Variants in INTS5 observed in about 807,000 individuals in gnomAD.
INTS5 encodes the protein KIAA1698.
In INTS5, 29 loss-of-function variants were observed where a neutral mutation model predicts 60.0. That is an observed-to-expected ratio of 0.48 (90% CI 0.36 to 0.66). The LOEUF is 0.66. INTS5 is among the 30% of genes least tolerant of loss of function. INTS5 has a pLI of 0.00. For synonymous variants in INTS5, 588 were observed against 558.8 expected (o/e 1.05, Z -0.74); for missense variants, 1,129 against 1,307.9 (o/e 0.86, Z 2.11).
rs773672481 is a variant in INTS5 at position 62,649,084 on chromosome 11, G to C, written c.996C>G (p.Pro332=). 4 of 1,610,164 alleles carry C rather than the reference G, an allele frequency of 2.5e-6. No individual in the cohort carries two copies. In the Admixed American group the frequency reaches 5.0e-5, roughly 20 times the overall value. Residue 332 remains proline, a synonymous_variant, in exon 2 of 2, where the codon CCC becomes CCG. Coordinates refer to ENST00000330574, the MANE Select transcript of INTS5 (RefSeq NM_030628.2). This position sits in a 1 kb window ranked among gnomAD's most constrained non-coding sequence, Gnocchi z 6.0. Reference sequence around the variant, plus strand: ...GGAACGGAACCGTGGCCTGAAGGGAGGGGTCCCCACTGCGGCCTCCAGATC... The same window carrying C: ...GGAACGGAACCGTGGCCTGAAGGGACGGGTCCCCACTGCGGCCTCCAGATC... ...AGGSGGRSGD[P]SLQATVPFLL...
intron 1 of INTS5, among the ~76,000 whole-genome samples, chr11:62,652,302 G>C (rs977059288): frequency 1.3e-5 from 2 of 151,880 alleles, no homozygotes; most frequent in Admixed American, 1.3e-4. Flanking sequence ...CTGGGAGTCA[G>C]GGCGACCATC....
At chr11:62,652,093 G>T (rs1345363949) in intron 1 of INTS5, among the ~76,000 whole-genome samples, 1 of 151,298 alleles carries the variant, frequency 6.6e-6, no homozygotes, top group African/African-American at 2.4e-5. Context: ...GCCAAGGAGG[G>T]TGGATCACTT....
chr11:62,649,662 A>G lies in INTS5; in HGVS notation c.418T>C (p.Trp140Arg). Residue 140 changes from tryptophan (W) to arginine (R), a missense_variant, in exon 2 of 2, where the codon TGG (tryptophan) becomes CGG (arginine). Trp to Arg is a moderately radical substitution (Grantham distance 101, BLOSUM62 -3). Around this residue, in one of 3 missense-constraint regions of INTS5, gnomAD observed 1,070 missense variants for 1,246.1 expected, o/e 0.86. Coordinates refer to ENST00000330574, the MANE Select transcript of INTS5 (RefSeq NM_030628.2). This position sits in a 1 kb window ranked among gnomAD's most constrained non-coding sequence, Gnocchi z 6.0. ...SEFIRANPKA[W>R]APVISAWSID... ...GACCATGCACTAATCACAGGTGCCCAGGCCTTTGGGTTGGCCCGGATAAAC... is the reference window on the plus strand; with the variant it reads ...GACCATGCACTAATCACAGGTGCCCGGGCCTTTGGGTTGGCCCGGATAAAC... 1 of 1,614,228 alleles carries G rather than the reference A, an allele frequency of 6.2e-7. No homozygotes were observed. Among genetic ancestry groups the G allele is most frequent in the Non-Finnish European group, 8.5e-7 (1 of 1,180,034 alleles).
At position 62,648,165 on chromosome 11, in the gene INTS5, A is replaced by G; in HGVS notation, c.1915T>C (p.Leu639=). The G allele has an allele frequency of 1.2e-6, 2 of 1,613,266 alleles. No homozygotes were observed. Among genetic ancestry groups the G allele is most frequent in the Non-Finnish European group, 1.7e-6 (2 of 1,179,500 alleles). Residue 639 remains leucine (L), a synonymous_variant, in exon 2 of 2, where the codon TTA becomes CTA. Transcript: ENST00000330574. The surrounding 1 kb of genome is among the most constrained non-coding windows in gnomAD (Gnocchi z 4.4). ...AGTCCCAGGAGCTGGGAGGGGGATA[A>G]GGCTTCAGAAGGAAAGGGACAAATG... ...LAICPFPSEA[L]SPSQLLGLVR... is the part of the protein sequence containing the mutation.
Position 62,649,394 on chromosome 11 carries a change from T to C in INTS5, c.686A>G (p.His229Arg). The C allele has an allele frequency of 6.2e-7, 1 of 1,614,134 alleles. No homozygotes were observed. The change falls in exon 2 of 2, where the codon CAT (histidine) becomes CGT (arginine). Residue 229 changes from histidine (H) to arginine (R), a missense_variant. His to Arg is a conservative substitution (Grantham distance 29). Coordinates refer to ENST00000330574, the MANE Select transcript of INTS5 (RefSeq NM_030628.2). This position sits in a 1 kb window ranked among gnomAD's most constrained non-coding sequence, Gnocchi z 6.0. ...HSPHFDWVVA[H>R]IGSSFPGTII... is the part of the protein sequence containing the mutation. ...GGTGCCAGGAAAAGAGGAGCCAATATGTGCCACAACCCAGTCAAAGTGTGG... is the reference window on the plus strand; with the variant it reads ...GGTGCCAGGAAAAGAGGAGCCAATACGTGCCACAACCCAGTCAAAGTGTGG...
At position 62,647,593 on chromosome 11, in the gene INTS5, C is replaced by A; in HGVS notation, c.2487G>T (p.Leu829=). 1.2e-6 allele frequency: 2 copies of A among 1,613,982 alleles called. No homozygotes were observed. Among genetic ancestry groups the A allele is most frequent in the Non-Finnish European group, 8.5e-7 (1 of 1,180,038 alleles). ...SVCPDAAGAE[L]AWPPEEHARA... ...GGGCGTGTTCCTCGGGGGGCCAGGC[C>A]AGCTCTGCACCAGCTGCATCGGGAC... The change falls in exon 2 of 2, where the codon CTG becomes CTT. Residue 829 remains leucine, a synonymous_variant. Coordinates refer to ENST00000330574, the MANE Select transcript of INTS5 (RefSeq NM_030628.2).
chr11:62,651,702 A>G (rs1435005966), intron 1 of INTS5, among the ~76,000 whole-genome samples: 1 of 151,584 alleles, frequency 6.6e-6, no homozygotes, highest in Non-Finnish European at 1.5e-5. Flanking sequence ...TACAAAAATA[A>G]TAATAATAAT....
In INTS5 at chr11:62,646,878, GA is replaced by G. The variant is rs201691472; in HGVS notation, c.*141del. The G allele has an allele frequency of 7.6e-4, 548 of 717,226 alleles. No individual in the cohort carries two copies. Among genetic ancestry groups the G allele is most frequent in the Middle Eastern group, 1.7e-3 (4 of 2,410 alleles). 44.4% of individuals were successfully genotyped at this position (717,226 alleles called of 1,614,324 possible). A position where few individuals can be genotyped will look rare whatever the true frequency, so the allele number is the denominator to read the frequency against. On this transcript the variant is annotated 3_prime_UTR_variant, in exon 2 of 2. Transcript: ENST00000330574. ...TTCTCAAGTTGGCAAATTTTATTTA[GA>G]AAAAAAAAAGTGGGAGAGAAAAAAG...
chr11:62,647,040 G>A lies in INTS5; in HGVS notation c.3040C>T (p.Leu1014Phe). 1 of 1,612,734 alleles carries A rather than the reference G, an allele frequency of 6.2e-7. No individual in the cohort carries two copies. Among genetic ancestry groups the A allele is most frequent in the Non-Finnish European group, 8.5e-7 (1 of 1,178,904 alleles). ...GRFQAPSPST[L>F]LRQGT ...AAAGGCTACGTCCCCTGTCGAAGGA[G>A]AGTGGACGGTGAAGGTGCCTGGAAA... Residue 1014 changes from leucine (L) to phenylalanine (F), a missense_variant, in exon 2 of 2, where the codon CTC (leucine) becomes TTC (phenylalanine). Transcript: ENST00000330574.
At position 62,646,946 on chromosome 11, in the gene INTS5, C is replaced by A; in HGVS notation, c.*74G>T. The A allele has an allele frequency of 8.1e-7, 1 of 1,232,524 alleles. No individual in the cohort carries two copies. Among genetic ancestry groups the A allele is most frequent in the Non-Finnish European group, 1.1e-6 (1 of 871,974 alleles). The allele number at this position is 1,232,524 out of a possible 1,614,324, so 76.3% of individuals were successfully genotyped here. ...ACCAAGGACTTAGAAGAGAAACCTC[C>A]ACCCTTCCGGAGCACGTTAGTCCCT... On this transcript the variant is annotated 3_prime_UTR_variant, in exon 2 of 2. Coordinates refer to ENST00000330574, the MANE Select transcript of INTS5 (RefSeq NM_030628.2).
At position 62,647,614 on chromosome 11, in the gene INTS5, G is replaced by C. The variant is rs770868833; in HGVS notation, c.2466C>G (p.Pro822=). The C allele has an allele frequency of 6.2e-7, 1 of 1,613,890 alleles. No individual in the cohort carries two copies. Among genetic ancestry groups the C allele is most frequent in the East Asian group, 2.2e-5 (1 of 44,900 alleles). Residue 822 remains proline (P), a synonymous_variant, in exon 2 of 2, where the codon CCC becomes CCG. Transcript: ENST00000330574. ...VAVTLVESVC[P]DAAGAELAWP... Reference sequence around the variant, plus strand: ...AGGCCAGCTCTGCACCAGCTGCATCGGGACACACACTCTCCACCAAGGTCA... The same window carrying C: ...AGGCCAGCTCTGCACCAGCTGCATCCGGACACACACTCTCCACCAAGGTCA...
Position 62,647,065 on chromosome 11 carries a change from A to G in INTS5, c.3015T>C (p.Arg1005=). 1 of 1,613,736 alleles carries G rather than the reference A, an allele frequency of 6.2e-7. No individual in the cohort carries two copies. The highest frequency in any genetic ancestry group is 1.3e-5 in the African/African-American group (1 of 75,032). ...NIDRLGLFSG[R]FQAPSPSTLL... ...GAGTGGACGGTGAAGGTGCCTGGAA[A>G]CGGCCAGAGAAAAGACCTAGGCGGT... The change falls in exon 2 of 2, where the codon CGT becomes CGC. Residue 1005 remains arginine, a synonymous_variant. Transcript: ENST00000330574.
chr11:62,653,293 G>T lies in INTS5; in HGVS notation c.-44C>A. The T allele has an allele frequency of 8.3e-7, 1 of 1,210,308 alleles. No homozygotes were observed. Among genetic ancestry groups the T allele is most frequent in the Non-Finnish European group, 1.0e-6 (1 of 959,866 alleles). The allele number at this position is 1,210,308 out of a possible 1,614,324, so 75.0% of individuals were successfully genotyped here. A position where few individuals can be genotyped will look rare whatever the true frequency, so the allele number is the denominator to read the frequency against. On this transcript the variant is annotated 5_prime_UTR_variant, in exon 1 of 2. In the 5' UTR this introduces an upstream ATG that the reference lacks. Transcript: ENST00000330574. ...CCCGAGGCGCGAGCGGCGGAGCGCA[G>T]GCGGCGCATGCGCGCTGACAGGAAA...
At chr11:62,652,453 G>A (rs140750715) in intron 1 of INTS5, among the ~76,000 whole-genome samples, 1 of 151,326 alleles carries the variant, frequency 6.6e-6, no homozygotes, top group African/African-American at 2.4e-5. Flanking sequence ...CCTTATTAAG[G>A]GCTCTCCCTC....
In INTS5 at chr11:62,648,097, C is replaced by T; in HGVS notation, c.1983G>A (p.Leu661=). 6.2e-7 allele frequency: 1 copy of T among 1,613,940 alleles called. No homozygotes were observed. Among genetic ancestry groups the T allele is most frequent in the Non-Finnish European group, 8.5e-7 (1 of 1,179,820 alleles). ...GVHRFFASLR[L]HGPPGVASAC... ...CTGAGGCCACACCTGGGGGTCCATG[C>T]AGCCTCAGAGAGGCAAAGAAGCGGT... Residue 661 remains leucine (L), a synonymous_variant, in exon 2 of 2, where the codon CTG becomes CTA. Transcript: ENST00000330574. This position sits in a 1 kb window ranked among gnomAD's most constrained non-coding sequence, Gnocchi z 4.4.
chr11:62,650,919 G>A (rs1301316176), intron 1 of INTS5, among the ~76,000 whole-genome samples: 1 of 152,072 alleles, frequency 6.6e-6, no homozygotes, highest in African/African-American at 2.4e-5. Context: ...ATGTTCCACA[G>A]GCTGGTTTCA....
rs753587452 is a variant in INTS5, at chr11:62,647,054, G to A, written c.3026C>T (p.Pro1009Leu). The change falls in exon 2 of 2, where the codon CCT (proline) becomes CTT (leucine). Residue 1009 changes from proline to leucine, a missense_variant. This residue lies in a region of INTS5 where 1,070 missense variants were observed against 1,246.1 expected (regional missense o/e 0.86). Coordinates refer to ENST00000330574, the MANE Select transcript of INTS5 (RefSeq NM_030628.2). ...LGLFSGRFQA[P>L]SPSTLLRQGT ...CTGTCGAAGGAGAGTGGACGGTGAAGGTGCCTGGAAACGGCCAGAGAAAAG... is the reference window on the plus strand; with the variant it reads ...CTGTCGAAGGAGAGTGGACGGTGAAAGTGCCTGGAAACGGCCAGAGAAAAG... 3 of 1,613,650 alleles carry A rather than the reference G, an allele frequency of 1.9e-6. No individual in the cohort carries two copies. The highest frequency in any genetic ancestry group is 1.7e-6 in the Non-Finnish European group (2 of 1,179,622).
chr11:62,649,077 G>T lies in INTS5; in HGVS notation c.1003C>A (p.Gln335Lys), dbSNP rs371930868. 3 of 1,610,312 alleles carry T rather than the reference G, an allele frequency of 1.9e-6. No individual in the cohort carries two copies. Among genetic ancestry groups the T allele is most frequent in the Non-Finnish European group, 2.5e-6 (3 of 1,177,286 alleles). ...SGGRSGDPSL[Q>K]ATVPFLLQLA... ...TGCAGTAGGAACGGAACCGTGGCCTGAAGGGAGGGGTCCCCACTGCGGCCT... is the reference window on the plus strand; with the variant it reads ...TGCAGTAGGAACGGAACCGTGGCCTTAAGGGAGGGGTCCCCACTGCGGCCT... The change falls in exon 2 of 2, where the codon CAG becomes AAG. Residue 335 changes from glutamine (Q) to lysine (K), a missense_variant. By Grantham distance (53) the Gln-to-Lys change is moderately conservative (BLOSUM62 1). This residue lies in a region of INTS5 where 1,070 missense variants were observed against 1,246.1 expected (regional missense o/e 0.86). Coordinates refer to ENST00000330574, the MANE Select transcript of INTS5 (RefSeq NM_030628.2). The surrounding 1 kb of genome is among the most constrained non-coding windows in gnomAD (Gnocchi z 6.0).
chr11:62,650,822 C>T (rs1565120694), intron 1 of INTS5, among the ~76,000 whole-genome samples: 1 of 152,098 alleles, frequency 6.6e-6, no homozygotes, highest in Non-Finnish European at 1.5e-5. Context: ...ATCCTCCCAT[C>T]TCAGCCTCCT....
Sources: gnomAD v4.1 joint callset for allele counts (sites outside exome capture counted in the v4.1 genomes callset) on GRCh38, gnomAD v4.1.1 for gene constraint, gnomAD v4.1.1 regional missense constraint, Gnocchi (gnomAD v3.1) non-coding constraint, MANE v1.5 for transcripts, NCBI Gene and HGNC (gene_info 2026-07-23, HGNC 2026-07-21) for gene names.